Variants in BRCA2 observed in about 807,000 individuals in gnomAD.
BRCA2 encodes the protein breast cancer type 2 susceptibility protein.
Under a neutral mutation model 276.7 loss-of-function variants are expected in BRCA2, and 203 were observed. The observed-to-expected ratio is 0.73, with a 90% confidence interval of 0.65 to 0.82. The LOEUF is 0.82. Ranked by LOEUF, BRCA2 falls within the 40% of genes least tolerant of loss-of-function variation. BRCA2 has a pLI of 0.00. For synonymous variants in BRCA2, 1,289 were observed against 1,338.4 expected, an observed-to-expected ratio of 0.96 and a Z score of 0.81; for missense variants, 3,920 against 3,915.0, an observed-to-expected ratio of 1.00 and a Z score of -0.03.
chr13:32,377,648 A>T (rs761103139), intron 21 of BRCA2, among the ~76,000 whole-genome samples: 7 of 152,130 alleles, frequency 4.6e-5, no homozygotes, highest in Non-Finnish European at 1.0e-4. Context: ...GGATCAAATA[A>T]ATAATCTATA....
intron 13 of BRCA2, among the ~76,000 whole-genome samples, chr13:32,353,411 A>G (rs117030310): frequency 6.6e-6 from 1 of 152,180 alleles, no homozygotes; most frequent in Non-Finnish European, 1.5e-5. Context: ...CATAAGACAG[A>G]TTATGTCATT....
chr13:32,386,383 G>C (rs1431456001), intron 24 of BRCA2, among the ~76,000 whole-genome samples: 1 of 152,146 alleles, frequency 6.6e-6, no homozygotes, highest in Non-Finnish European at 1.5e-5. Context: ...ACTCCAGCCT[G>C]GGCCACAGAA....
At chr13:32,335,675 T>C (rs2072442476) in intron 10 of BRCA2, among the ~76,000 whole-genome samples, 1 of 152,174 alleles carries the variant, frequency 6.6e-6, no homozygotes, top group Non-Finnish European at 1.5e-5. Context: ...GAGTTTTTTT[T>C]ATGGTAGCTA....
chr13:32,369,648 A>C (rs1181113277), intron 18 of BRCA2, among the ~76,000 whole-genome samples: 1 of 152,184 alleles, frequency 6.6e-6, no homozygotes. Context: ...ATCTCGGCTC[A>C]CTGCACCCTC....
chr13:32,326,718 A>C, intron 7 of BRCA2, 105 bp downstream of exon 7: 1 of 822,966 alleles, frequency 1.2e-6, no homozygotes, highest in East Asian at 2.6e-5. Flanking sequence ...ATATTAGATA[A>C]TGTCTTTGAT....
Position 32,398,474 on chromosome 13 carries a change from C to T in BRCA2, c.9961C>T (p.Gln3321Ter), listed in dbSNP as rs1566261240. 1 of 1,614,146 alleles carries T rather than the reference C, an allele frequency of 6.2e-7. No homozygotes were observed. Among genetic ancestry groups the T allele is most frequent in the Non-Finnish European group, 8.5e-7 (1 of 1,180,000 alleles). ...PIKKKELNSP[Q>*]MTPFKKFNEI... The stretch of plus-strand genomic sequence containing the variant: ...AAAGAAAAAAGAACTGAATTCTCCT[C>T]AGATGACTCCATTTAAAAAATTCAA... The change falls in exon 27 of 27, where the codon CAG (glutamine) becomes TAG (stop). Residue 3321 changes from glutamine to a stop codon, truncating the protein, a stop_gained. Transcript: ENST00000380152. LOFTEE classifies it low-confidence loss of function (END_TRUNC).
rs1226120899 is a variant in BRCA2, at chr13:32,399,036, C to T, written c.*266C>T. On this transcript the variant is annotated 3_prime_UTR_variant, in exon 27 of 27. Coordinates refer to ENST00000380152, the MANE Select transcript of BRCA2 (RefSeq NM_000059.4). ...ACATCTTTGGCTGAGCTCGGTGGCT[C>T]ATGCCTGTAATCCCAACACTTTGAG... The T allele has an allele frequency of 7.2e-6, 3 of 414,938 alleles. No individual in the cohort carries two copies. Among genetic ancestry groups the T allele is most frequent in the African/African-American group, 2.1e-5 (1 of 48,768 alleles). 25.7% of individuals were successfully genotyped at this position (414,938 alleles called of 1,614,324 possible).
At chr13:32,347,377 C>T (rs1236335086) in intron 13 of BRCA2, among the ~76,000 whole-genome samples, 2 of 152,092 alleles carry the variant, frequency 1.3e-5, no homozygotes, top group African/African-American at 4.8e-5. Flanking sequence ...AACAGAGATG[C>T]TTTCCCCTAA....
intron 14 of BRCA2, among the ~76,000 whole-genome samples, chr13:32,355,865 A>G (rs996612223): frequency 4.0e-5 from 6 of 151,712 alleles, no homozygotes; most frequent in African/African-American, 1.5e-4. Flanking sequence ...GGGCAACAAG[A>G]GTGAAAAACT....
At chr13:32,390,478 C>G (rs1036492200) in intron 24 of BRCA2, among the ~76,000 whole-genome samples, 2 of 152,174 alleles carry the variant, frequency 1.3e-5, no homozygotes, top group African/African-American at 4.8e-5. Context: ...ATAAAACAAA[C>G]TGTACAAGTT....
At position 32,332,656 on chromosome 13, in the gene BRCA2, G is replaced by A. The variant is rs766690741; in HGVS notation, c.1178G>A (p.Cys393Tyr). The A allele has an allele frequency of 6.2e-7, 1 of 1,614,096 alleles. No homozygotes were observed. The highest frequency in any genetic ancestry group is 1.1e-5 in the South Asian group (1 of 91,062). The change falls in exon 10 of 27, where the codon TGT becomes TAT. Residue 393 changes from cysteine to tyrosine, a missense_variant. Cys to Tyr is a radical substitution (Grantham distance 194). This residue lies in a region of BRCA2 where 3,263 missense variants were observed against 3,156.9 expected (regional missense o/e 1.03). Transcript: ENST00000380152. ...ISKEVVPSLA[C>Y]EWSQLTLSGL... ...AAGGAAGTTGTACCGTCTTTGGCCT[G>A]TGAATGGTCTCAACTAACCCTTTCA...
rs80358680 is a variant in BRCA2, at chr13:32,338,838, G to A, written c.4483G>A (p.Val1495Ile). 14 of 1,613,516 alleles carry A rather than the reference G, an allele frequency of 8.7e-6. No homozygotes were observed. The highest frequency in any genetic ancestry group is 1.0e-5 in the Non-Finnish European group (12 of 1,179,658). Residue 1495 changes from valine to isoleucine, a missense_variant, in exon 11 of 27, where the codon GTC becomes ATC. Physicochemically the swap from Val to Ile is conservative, Grantham distance 29 (BLOSUM62 3). This residue lies in a region of BRCA2 where 3,263 missense variants were observed against 3,156.9 expected (regional missense o/e 1.03). Coordinates refer to ENST00000380152, the MANE Select transcript of BRCA2 (RefSeq NM_000059.4). The stretch of plus-strand genomic sequence containing the variant: ...TAAACACAAAATACTGAAAGAAAGT[G>A]TCCCAGTTGGTACTGGAAATCAACT... ...IVKHKILKES[V>I]PVGTGNQLVT...
At chr13:32,396,793 T>G in intron 25 of BRCA2, 105 bp from the exon 26 acceptor site, 1 of 1,440,420 alleles carries the variant, frequency 6.9e-7, no homozygotes, top group Non-Finnish European at 9.7e-7. Flanking sequence ...TTTTCATTCT[T>G]TTTTGGTCCA....
rs553420517 is a variant in BRCA2, at chr13:32,323,775, A to G, written c.317-1301A>G. ...CCGAAGCAACTATTTTCTAAGAGTA[A>G]TAATAAGTGACTCAGGTGCCAAATT... On this transcript the variant is annotated intron_variant, in intron 3 of 26. Transcript: ENST00000380152. Among the ~76,000 whole-genome samples the G allele has an allele frequency of 3.9e-5, 6 of 152,384 alleles. No individual in the cohort carries two copies. In the South Asian group the frequency reaches 1.2e-3, roughly 32 times the overall value.
Position 32,360,520 on chromosome 13 carries a change from C to T in BRCA2, c.7806-2003C>T, listed in dbSNP as rs11571714. On this transcript the variant is annotated intron_variant, in intron 16 of 26. Coordinates refer to ENST00000380152, the MANE Select transcript of BRCA2 (RefSeq NM_000059.4). ...GACTACAGGCGCGCACCACCGTGCC[C>T]GGCTGATTTTTGTGTTTTTAGTAGA... is the stretch of plus-strand genomic sequence containing the variant. 1.2e-3 allele frequency among the ~76,000 whole-genome samples: 180 copies of T among 152,088 alleles called. 2 individuals carry two copies. Among genetic ancestry groups the T allele is most frequent in the Admixed American group, 1.0e-2 (152 of 15,258 alleles).
chr13:32,334,535 A>G (rs1806594206), intron 10 of BRCA2, among the ~76,000 whole-genome samples: 1 of 151,958 alleles, frequency 6.6e-6, no homozygotes, highest in Admixed American at 6.6e-5. Flanking sequence ...ATACCCAGGC[A>G]TGGTGGCATG....
intron 25 of BRCA2, chr13:32,396,003 G>C (rs1409360652): frequency 1.4e-5 from 1 of 72,430 alleles, no homozygotes; most frequent in African/African-American, 6.2e-5. Flanking sequence ...ACAGAGTCTT[G>C]CTTTGTCACC....
chr13:32,336,680 C>T lies in BRCA2; in HGVS notation c.2325C>T (p.Ser775=), dbSNP rs1199224803. The stretch of plus-strand genomic sequence containing the variant: ...GCACTCTTATTTTAACTCCTACTTC[C>T]AAGGATGTTCTGTCAAACCTAGTCA... ...NASTLILTPT[S]KDVLSNLVMI... is the part of the protein sequence containing the mutation. Residue 775 remains serine (S), a synonymous_variant, in exon 11 of 27, where the codon TCC becomes TCT. Transcript: ENST00000380152. 1 of 1,613,742 alleles carries T rather than the reference C, an allele frequency of 6.2e-7. No homozygotes were observed. The highest frequency in any genetic ancestry group is 8.5e-7 in the Non-Finnish European group (1 of 1,179,784).
chr13:32,327,722 G>A (rs1485204391), intron 7 of BRCA2, among the ~76,000 whole-genome samples: 2 of 150,072 alleles, frequency 1.3e-5, no homozygotes, highest in African/African-American at 4.9e-5. Context: ...TCTCTGAGTA[G>A]CTGAGATTTG....
Sources: gnomAD v4.1 joint callset for allele counts (sites outside exome capture counted in the v4.1 genomes callset) on GRCh38, gnomAD v4.1.1 for gene constraint, gnomAD v4.1.1 regional missense constraint, MANE v1.5 for transcripts, NCBI Gene and HGNC (gene_info 2026-07-23, HGNC 2026-07-21) for gene names.